CAPZB: variants seen among roughly 807,000 people sequenced by gnomAD.
CAPZB encodes capping actin protein of muscle Z-line subunit beta.
Under a neutral mutation model 38.1 loss-of-function variants are expected in CAPZB, and 2 were observed. The observed-to-expected ratio is 0.05, with a 90% CI of 0.02 to 0.17. The LOEUF (loss-of-function observed/expected upper bound fraction) is 0.17, where lower values mean the gene tolerates loss of function less well. CAPZB is among the 10% of genes least tolerant of loss of function. CAPZB has a pLI of 1.00. For synonymous variants in CAPZB, 107 were observed against 127.4 expected (o/e 0.84, Z 1.08); for missense variants, 161 against 334.2 (o/e 0.48, Z 4.04).
chr1:19,362,643 TAAAAAAAAGA>T (rs1339718807), intron 4 of CAPZB, among the ~76,000 whole-genome samples: 2 of 147,728 alleles, frequency 1.4e-5, no homozygotes, highest in Admixed American at 1.3e-4. Flanking sequence ...CCAGCCTCTA[TAAAAAAAAGA>T]AAAAAGAAAG....
At chr1:19,355,859 G>C (rs995565720) in intron 6 of CAPZB, among the ~76,000 whole-genome samples, 2 of 152,086 alleles carry the variant, frequency 1.3e-5, no homozygotes, top group Non-Finnish European at 2.9e-5. Context: ...GAATGTAAAG[G>C]GTCCTGAACA....
intron 1 of CAPZB, among the ~76,000 whole-genome samples, chr1:19,455,615 ATTTACTC>A (rs2094530675): frequency 6.6e-6 from 1 of 152,072 alleles, no homozygotes; most frequent in Non-Finnish European, 1.5e-5. Context: ...GACCTGGCCT[ATTTACTC>A]TTATCTACCA....
rs1569854427 is a variant in CAPZB at position 19,342,678 on chromosome 1, G to A, written c.731+1680C>T. 7 of 922,036 alleles carry A rather than the reference G, an allele frequency of 7.6e-6. No individual in the cohort carries two copies. The Admixed American group carries it at 1.1e-4, about 14-fold the overall frequency. The allele number at this position is 922,036 out of a possible 1,614,324, so 57.1% of individuals were successfully genotyped here. The stretch of plus-strand genomic sequence containing the variant: ...TTTAAATGGCCGCGGAGCAGCAGCC[G>A]GACCGGCAGGGTCTCGGCGGGTTGG... On this transcript the variant is annotated intron_variant, in intron 8 of 8. Coordinates refer to ENST00000264202, the MANE Select transcript of CAPZB (RefSeq NM_004930.5).
intron 1 of CAPZB, among the ~76,000 whole-genome samples, chr1:19,482,455 G>A (rs1350438215): frequency 1.3e-5 from 2 of 152,170 alleles, no homozygotes; most frequent in South Asian, 2.1e-4. Flanking sequence ...ATTCCTGAGG[G>A]GGCCTCCCTA....
intron 6 of CAPZB, among the ~76,000 whole-genome samples, chr1:19,350,147 T>C (rs1488309171): frequency 1.3e-5 from 2 of 152,180 alleles, no homozygotes; most frequent in Non-Finnish European, 2.9e-5. Flanking sequence ...CCAGAGGGGA[T>C]GTATTACACC....
chr1:19,416,379 C>CGG (rs1437407905), intron 2 of CAPZB, among the ~76,000 whole-genome samples: 14 of 152,278 alleles, frequency 9.2e-5, no homozygotes, highest in African/African-American at 3.4e-4. Flanking sequence ...GCTCCCAAGC[C>CGG]ACATCCCTAT....
chr1:19,458,461 TCTC>T (rs1406651570), intron 1 of CAPZB, among the ~76,000 whole-genome samples: 2 of 152,198 alleles, frequency 1.3e-5, no homozygotes, highest in Non-Finnish European at 2.9e-5. Flanking sequence ...TTCAAGTGAT[TCTC>T]CTGCCTCAGC....
In CAPZB at chr1:19,339,493, GA is replaced by G; in HGVS notation, c.*36del. 1 of 1,455,016 alleles carries G rather than the reference GA, an allele frequency of 6.9e-7. No individual in the cohort carries two copies. The highest frequency in any genetic ancestry group is 9.7e-7 in the Non-Finnish European group (1 of 1,034,712). The allele number at this position is 1,455,016 out of a possible 1,614,324, so 90.1% of individuals were successfully genotyped here. On this transcript the variant is annotated 3_prime_UTR_variant, in exon 9 of 9. Transcript: ENST00000264202. ...GAGTTTTCTAAGAAAGGAATCTAAC[GA>G]GTGCACGGCGTGTCTGGTTAGCATG...
rs373412158 is a variant in CAPZB, at chr1:19,400,755, G to T, written c.94-15129C>A. Among the ~76,000 whole-genome samples, 68 of 152,240 alleles carry T rather than the reference G, an allele frequency of 4.5e-4. 1 individual carries two copies. Among genetic ancestry groups the T allele is most frequent in the East Asian group, 2.1e-3 (11 of 5,170 alleles). On this transcript the variant is annotated intron_variant, in intron 2 of 8. Transcript: ENST00000264202. ...GTTCCCCAAATGAAGGACCTGGATAGATCTTGTAGGAAAAAAAATCCTATG... is the reference window on the plus strand; with the variant it reads ...GTTCCCCAAATGAAGGACCTGGATATATCTTGTAGGAAAAAAAATCCTATG...
chr1:19,475,418 G>A (rs1279931884), intron 1 of CAPZB, among the ~76,000 whole-genome samples: 2 of 152,232 alleles, frequency 1.3e-5, no homozygotes, highest in African/African-American at 4.8e-5. Context: ...CAAGCGCTCA[G>A]CGCCCACCAT....
chr1:19,471,981 G>A (rs2094590190), intron 1 of CAPZB, among the ~76,000 whole-genome samples: 1 of 152,024 alleles, frequency 6.6e-6, no homozygotes, highest in African/African-American at 2.4e-5. Flanking sequence ...GATCCTTGAG[G>A]ATATTCCCAG....
Position 19,339,217 on chromosome 1 carries a change from C to T in CAPZB, c.*313G>A. 5.5e-6 allele frequency: 2 copies of T among 363,638 alleles called. No individual in the cohort carries two copies. The highest frequency in any genetic ancestry group is 1.0e-5 in the Non-Finnish European group (2 of 198,722). The allele number at this position is 363,638 out of a possible 1,614,324, so 22.5% of individuals were successfully genotyped here. On this transcript the variant is annotated 3_prime_UTR_variant, in exon 9 of 9. Coordinates refer to ENST00000264202, the MANE Select transcript of CAPZB (RefSeq NM_004930.5). The stretch of plus-strand genomic sequence containing the variant: ...AAAGGTGGGAGGGAAGGGAGGCTGG[C>T]AGACAGTGGATTTTATGCCTATAAA...
At chr1:19,423,636 C>T (rs1558248584) in intron 1 of CAPZB, among the ~76,000 whole-genome samples, 1 of 151,376 alleles carries the variant, frequency 6.6e-6, no homozygotes, top group African/African-American at 2.4e-5. Flanking sequence ...GCTATCCTCC[C>T]ATCTCAGCCT....
chr1:19,430,356 A>G (rs960782464), intron 1 of CAPZB, among the ~76,000 whole-genome samples: 1 of 152,224 alleles, frequency 6.6e-6, no homozygotes, highest in Non-Finnish European at 1.5e-5. Flanking sequence ...GAAATGAGTC[A>G]TACTCAGGAG....
chr1:19,467,393 C>T (rs1010954548), intron 1 of CAPZB, among the ~76,000 whole-genome samples: 2 of 152,154 alleles, frequency 1.3e-5, no homozygotes, highest in South Asian at 2.1e-4. Context: ...TCCCCTCCAG[C>T]GGCTCAGCTC....
chr1:19,445,366 CTT>C lies in CAPZB; in HGVS notation c.4-25618_4-25617del, dbSNP rs34332615. On this transcript the variant is annotated intron_variant, in intron 1 of 8. Coordinates refer to ENST00000264202, the MANE Select transcript of CAPZB (RefSeq NM_004930.5). ...ATCCATGAGGGGGAATTTTGAGTGA[CTT>C]TTTTTTTTTTAATTCTCTTTATACA... Among the ~76,000 whole-genome samples, 29 of 148,822 alleles carry C rather than the reference CTT, an allele frequency of 1.9e-4. 1 individual carries two copies. In the East Asian group the frequency reaches 2.8e-3, roughly 14 times the overall value.
chr1:19,431,682 C>T (rs2094442168), intron 1 of CAPZB, among the ~76,000 whole-genome samples: 1 of 151,924 alleles, frequency 6.6e-6, no homozygotes, highest in African/African-American at 2.4e-5. Flanking sequence ...GATTGCACCA[C>T]TGCACACCAG....
chr1:19,352,202 C>A (rs2093995324), intron 6 of CAPZB, among the ~76,000 whole-genome samples: 2 of 152,198 alleles, frequency 1.3e-5, no homozygotes, highest in Admixed American at 6.5e-5. Flanking sequence ...CTGCCAAACG[C>A]AAGTCAAAGA....
chr1:19,406,069 G>A (rs1404559393), intron 2 of CAPZB, among the ~76,000 whole-genome samples: 3 of 152,214 alleles, frequency 2.0e-5, no homozygotes, highest in Non-Finnish European at 1.5e-5. Context: ...GGTCTCTAAT[G>A]AACCTTAATT....
Sources: gnomAD v4.1 joint callset for allele counts (sites outside exome capture counted in the v4.1 genomes callset) on GRCh38, gnomAD v4.1.1 for gene constraint, MANE v1.5 for transcripts, NCBI Gene and HGNC (gene_info 2026-07-23, HGNC 2026-07-21) for gene names.